ALAD: variants seen among roughly 807,000 people sequenced by gnomAD.
The protein encoded by ALAD is delta-aminolevulinic acid dehydratase.
ALAD carries 20 observed loss-of-function variants against 44.4 expected under a neutral mutation model. The observed-to-expected ratio is 0.45, with a 90% CI of 0.32 to 0.65. The LOEUF (loss-of-function observed/expected upper bound fraction) is 0.65, where lower values mean the gene tolerates loss of function less well. ALAD is among the 30% of genes least tolerant of loss of function. The pLI, the probability that ALAD is intolerant of heterozygous loss-of-function variation, is 0.05. For synonymous variants in ALAD, 156 were observed against 167.9 expected, an observed-to-expected ratio of 0.93 and a Z score of 0.55; for missense variants, 323 against 445.7, an observed-to-expected ratio of 0.72 and a Z score of 2.48.
At chr9:113,393,426 G>C in intron 2 of ALAD, 21 bp downstream of exon 2, 1 of 1,506,480 alleles carries the variant, frequency 6.6e-7, no homozygotes, top group South Asian at 1.1e-5. Context: ...GCAGAGGCCT[G>C]GCCCATTCTT....
At chr9:113,393,831 T>G (rs1183706721) in intron 1 of ALAD, among the ~76,000 whole-genome samples, 197 bp from the exon 2 acceptor site, 1 of 152,176 alleles carries the variant, frequency 6.6e-6, no homozygotes, top group Non-Finnish European at 1.5e-5. Context: ...TTCATGACAA[T>G]CAGAATCTAA....
chr9:113,391,635 T>C lies in ALAD; in HGVS notation c.165-12A>G, dbSNP rs1238775021. On this transcript the variant is annotated splice_polypyrimidine_tract_variant and intron_variant, in intron 3 of 11. Coordinates refer to ENST00000409155, the MANE Select transcript of ALAD (RefSeq NM_000031.6). ...GCTTCACACCATACCTGTGTGGGTG[T>C]GGGTAGAGGGGTTGAAGGAAGGCAG... 6.2e-7 allele frequency: 1 copy of C among 1,609,698 alleles called. No individual in the cohort carries two copies. Among genetic ancestry groups the C allele is most frequent in the East Asian group, 2.2e-5 (1 of 44,824 alleles).
At chr9:113,400,691 A>G (rs1036840746) in intron 1 of ALAD, among the ~76,000 whole-genome samples, 2 of 151,924 alleles carry the variant, frequency 1.3e-5, no homozygotes, top group Admixed American at 6.6e-5. Context: ...GCGTGGTGGC[A>G]CACGCCTGTA....
intron 1 of ALAD, among the ~76,000 whole-genome samples, chr9:113,397,715 C>A (rs1305858495): frequency 6.7e-6 from 1 of 149,482 alleles, no homozygotes; most frequent in African/African-American, 2.5e-5. Flanking sequence ...ACCTCCACCT[C>A]CTGGGTTCAA....
At chr9:113,392,721 G>A (rs971185597) in intron 2 of ALAD, among the ~76,000 whole-genome samples, 3 of 151,980 alleles carry the variant, frequency 2.0e-5, no homozygotes, top group African/African-American at 7.2e-5. Context: ...AGAATTGAAT[G>A]AGATAATGTG....
chr9:113,393,217 G>T, intron 2 of ALAD: 1 of 588,972 alleles, frequency 1.7e-6, no homozygotes. Context: ...GGCAGGCAAG[G>T]GTTATTCTTC....
At position 113,390,950 on chromosome 9, in the gene ALAD, G is replaced by T; in HGVS notation, c.262-17C>A. 1 of 1,613,882 alleles carries T rather than the reference G, an allele frequency of 6.2e-7. No individual in the cohort carries two copies. Among genetic ancestry groups the T allele is most frequent in the Non-Finnish European group, 8.5e-7 (1 of 1,179,992 alleles). ...CCGCTCGTCCTAGGGGCAGGGGAGG[G>T]ACAAAGCAGTGTGTCTATTACATGT... On this transcript the variant is annotated splice_polypyrimidine_tract_variant and intron_variant, in intron 4 of 11. Coordinates refer to ENST00000409155, the MANE Select transcript of ALAD (RefSeq NM_000031.6).
intron 4 of ALAD, 51 bp from the exon 5 acceptor site, chr9:113,390,984 A>G: frequency 6.2e-7 from 1 of 1,610,484 alleles, no homozygotes; most frequent in South Asian, 1.1e-5. Context: ...GTAGCTTTGG[A>G]AGGCAGGATG....
intron 1 of ALAD, among the ~76,000 whole-genome samples, chr9:113,399,892 C>T (rs1827814865): frequency 6.6e-6 from 1 of 152,178 alleles, no homozygotes; most frequent in Non-Finnish European, 1.5e-5. Context: ...AATCCAAAGC[C>T]CCACAAAGGC....
In ALAD at chr9:113,389,098, G is replaced by C. The variant is rs1342699809; in HGVS notation, c.810C>G (p.Asp270Glu). The change falls in exon 11 of 12, where the codon GAC (aspartate) becomes GAG (glutamate). Residue 270 changes from aspartate to glutamate, a missense_variant. Physicochemically the swap from Asp to Glu is conservative, Grantham distance 45 (BLOSUM62 2). Transcript: ENST00000409155. ...AGACGTGGTACACGGCGAGAGGGAG[G>C]TCAGGGTGCTGCAGGGAAGCAGACA... ...IVREVKDKHP[D>E]LPLAVYHVSG... 2 of 1,613,866 alleles carry C rather than the reference G, an allele frequency of 1.2e-6. No individual in the cohort carries two copies. The highest frequency in any genetic ancestry group is 8.5e-7 in the Non-Finnish European group (1 of 1,180,042).
At chr9:113,394,706 A>G (rs976148123) in intron 1 of ALAD, among the ~76,000 whole-genome samples, 2 of 152,184 alleles carry the variant, frequency 1.3e-5, no homozygotes, top group African/African-American at 4.8e-5. Context: ...AACTTTTAGA[A>G]AAGTGCAGAT....
chr9:113,399,600 G>T (rs981101589), intron 1 of ALAD, among the ~76,000 whole-genome samples: 3 of 152,230 alleles, frequency 2.0e-5, no homozygotes. Flanking sequence ...TGAAGGATAA[G>T]AAGTGTTTCA....
At chr9:113,395,390 C>T (rs887558633) in intron 1 of ALAD, among the ~76,000 whole-genome samples, 4 of 152,210 alleles carry the variant, frequency 2.6e-5, no homozygotes, top group Non-Finnish European at 5.9e-5. Flanking sequence ...TGTAAGTTAT[C>T]TGTGGACCTG....
At chr9:113,397,436 GGGGCCAGCCCTGCTGCCACACCCCTGGGT>G (rs1158412685) in intron 1 of ALAD, 1 of 152,174 alleles carries the variant, frequency 6.6e-6, no homozygotes, top group Non-Finnish European at 1.5e-5. Flanking sequence ...AAGTCACACA[GGGGCCAGCCCTGCTGCCACACCCCTGGGT>G]GGGCCAGCCC....
At chr9:113,394,999 A>G (rs747741354) in intron 1 of ALAD, among the ~76,000 whole-genome samples, 16 of 152,094 alleles carry the variant, frequency 1.1e-4, no homozygotes, top group Non-Finnish European at 2.2e-4. Flanking sequence ...AGGTTGCAGT[A>G]AGCCGAGATA....
At chr9:113,392,938 C>T (rs1564374136) in intron 2 of ALAD, among the ~76,000 whole-genome samples, 1 of 151,954 alleles carries the variant, frequency 6.6e-6, no homozygotes, top group African/African-American at 2.4e-5. Flanking sequence ...CTGCCTCAGC[C>T]TCCCAAGTAG....
chr9:113,394,572 C>G (rs8177791), intron 1 of ALAD, among the ~76,000 whole-genome samples: 1,630 of 149,994 alleles, frequency 0.011, 34 homozygotes, highest in African/African-American at 0.037. Context: ...TGCATTTTAT[C>G]AAAGAATCAA....
chr9:113,399,860 T>C (rs1015539600), intron 1 of ALAD, among the ~76,000 whole-genome samples: 7 of 152,030 alleles, frequency 4.6e-5, no homozygotes, highest in African/African-American at 1.4e-4. Flanking sequence ...GCCAGCTAGA[T>C]AGAAGGTGGC....
Position 113,390,655 on chromosome 9 carries a change from G to A in ALAD, c.419C>T (p.Ala140Val), listed in dbSNP as rs994121612. The A allele has an allele frequency of 6.2e-7, 1 of 1,614,130 alleles. No individual in the cohort carries two copies. Among genetic ancestry groups the A allele is most frequent in the South Asian group, 1.1e-5 (1 of 91,076 alleles). The change falls in exon 6 of 12, where the codon GCA becomes GTA. Residue 140 changes from alanine to valine, a missense_variant. Ala to Val is a moderately conservative substitution (Grantham distance 64, BLOSUM62 0). Coordinates refer to ENST00000409155, the MANE Select transcript of ALAD (RefSeq NM_000031.6). ...GHCGLLSENG[A>V]FRAEESRQRL... Reference sequence around the variant, plus strand: ...CTGGCGGCTCTCCTCAGCCCGGAATGCTCCGTTTTCACTCAGGAGCCCTTC... The same window carrying A: ...CTGGCGGCTCTCCTCAGCCCGGAATACTCCGTTTTCACTCAGGAGCCCTTC...
Sources: allele counts gnomAD v4.1 joint callset (sites outside exome capture counted in the v4.1 genomes callset), GRCh38; gene constraint gnomAD v4.1.1; transcripts MANE v1.5; gene names NCBI Gene and HGNC (gene_info 2026-07-23, HGNC 2026-07-21).